Variants in ATP10B observed in about 807,000 individuals in gnomAD.
The protein encoded by ATP10B is ATPase phospholipid transporting 10B (putative).
ATP10B carries 122 observed loss-of-function variants against 141.2 expected under a neutral mutation model. That is an observed-to-expected ratio of 0.86 (90% confidence interval 0.75 to 1.00). ATP10B has a LOEUF of 1.00. Ranked by LOEUF, ATP10B falls within the 50% of genes least tolerant of loss-of-function variation. The probability of loss-of-function intolerance (pLI) is 0.00; values close to 1 mark genes in which losing one functional copy is unlikely to be tolerated. For missense variants in ATP10B, 1,876 were observed against 1,825.3 expected (o/e 1.03, Z -0.51); for synonymous variants, 685 against 692.0 (o/e 0.99, Z 0.16).
intron 7 of ATP10B, among the ~76,000 whole-genome samples, chr5:160,653,793 A>G (rs1212489081): frequency 1.7e-5 from 2 of 117,298 alleles, no homozygotes; most frequent in Non-Finnish European, 3.3e-5. Flanking sequence ...TATATATTAT[A>G]TAGACGTATA....
At chr5:160,920,847 C>G in the ATP10B span, among the ~76,000 whole-genome samples, 3 of 152,158 alleles carry the variant, frequency 2.0e-5, no homozygotes, top group Non-Finnish European at 4.4e-5. Context: ...GACGTCAATG[C>G]TGGTCAGGGG....
At chr5:160,743,790 G>A (rs1250002585) in intron 2 of ATP10B, among the ~76,000 whole-genome samples, 1 of 152,102 alleles carries the variant, frequency 6.6e-6, no homozygotes, top group Non-Finnish European at 1.5e-5. Flanking sequence ...TCTCAGCTGG[G>A]ATTTATTTTG....
intron 6 of ATP10B, among the ~76,000 whole-genome samples, chr5:160,681,279 G>A (rs775138419): frequency 3.3e-5 from 5 of 152,194 alleles, no homozygotes; most frequent in Admixed American, 1.3e-4. Context: ...TATGGGTTCT[G>A]TTCTTCCTCA....
At chr5:160,603,096 G>T (rs898934391) in intron 20 of ATP10B, 9 of 173,950 alleles carry the variant, frequency 5.2e-5, no homozygotes, top group East Asian at 3.0e-4. Flanking sequence ...CAGGCCATTG[G>T]CTCCATTCAC....
chr5:160,763,627 A>G (rs1249128299), intron 2 of ATP10B, among the ~76,000 whole-genome samples: 1 of 152,188 alleles, frequency 6.6e-6, no homozygotes, highest in African/African-American at 2.4e-5. Context: ...GCATAAATAG[A>G]TAATCTAGGG....
At chr5:160,883,229 C>T in the ATP10B span, among the ~76,000 whole-genome samples, 2 of 152,268 alleles carry the variant, frequency 1.3e-5, no homozygotes, top group Admixed American at 1.3e-4. Context: ...CATTTTTGAA[C>T]ATGCAAGAAT....
intron 3 of ATP10B, among the ~76,000 whole-genome samples, chr5:160,697,363 G>A (rs1764428864): frequency 6.6e-6 from 1 of 152,150 alleles, no homozygotes; most frequent in Non-Finnish European, 1.5e-5. Context: ...AAGACTTGGG[G>A]AAGGCCGAAC....
chr5:160,609,525 T>C (rs1037323912), intron 18 of ATP10B, among the ~76,000 whole-genome samples: 1 of 152,042 alleles, frequency 6.6e-6, no homozygotes, highest in African/African-American at 2.4e-5. Flanking sequence ...ATTACCAGCA[T>C]GCGCCACCAC....
chr5:160,873,776 C>T, the ATP10B span, among the ~76,000 whole-genome samples: 51 of 152,320 alleles, frequency 3.3e-4, no homozygotes, highest in Middle Eastern at 3.4e-3. Flanking sequence ...GGGTGACAGA[C>T]GGCACCAGGA....
At chr5:160,810,338 C>CTT (rs1474793553) in intron 1 of ATP10B, among the ~76,000 whole-genome samples, 2 of 151,810 alleles carry the variant, frequency 1.3e-5, no homozygotes, top group African/African-American at 4.8e-5. Flanking sequence ...TTCTATTATC[C>CTT]TTTTTTGACC....
intron 1 of ATP10B, among the ~76,000 whole-genome samples, chr5:160,829,290 TTTCTG>T (rs969482301): frequency 6.6e-6 from 1 of 152,058 alleles, no homozygotes; most frequent in Non-Finnish European, 1.5e-5. Flanking sequence ...ATTTCTGGTT[TTTCTG>T]TTCTGTTTGA....
the ATP10B span, among the ~76,000 whole-genome samples, chr5:160,897,220 G>A: frequency 1.3e-4 from 20 of 152,272 alleles, no homozygotes; most frequent in African/African-American, 4.3e-4. Context: ...AAGAAATAAA[G>A]CATATTCAAA....
intron 8 of ATP10B, 53 bp from the exon 9 acceptor site, chr5:160,644,297 T>C: frequency 7.9e-7 from 1 of 1,258,998 alleles, no homozygotes; most frequent in Admixed American, 1.7e-5. Context: ...TTCCTTGCTG[T>C]CACTGGGTAC....
At position 160,649,227 on chromosome 5, in the gene ATP10B, G is replaced by C. The variant is rs200581063; in HGVS notation, c.705C>G (p.His235Gln). ...QEVQFEPELFHNTIVCEKPNN... is the reference protein window; with the variant it reads ...QEVQFEPELFQNTIVCEKPNN... ...TGGGTTTCTCACACACGATGGTATT[G>C]TGGAAAAGCTCTGGTTCGAACTGTA... Residue 235 changes from histidine (H) to glutamine (Q), a missense_variant, in exon 8 of 26, where the codon CAC becomes CAG. By Grantham distance (24) the His-to-Gln change is conservative. Transcript: ENST00000327245. 6.2e-6 allele frequency: 10 copies of C among 1,613,996 alleles called. No individual in the cohort carries two copies. Among genetic ancestry groups the C allele is most frequent in the Admixed American group, 1.7e-5 (1 of 60,018 alleles).
chr5:160,845,311 C>G (rs1415940044), intron 1 of ATP10B, among the ~76,000 whole-genome samples: 1 of 152,070 alleles, frequency 6.6e-6, no homozygotes, highest in Non-Finnish European at 1.5e-5. Flanking sequence ...AGCAAAAGAG[C>G]CAGACACCAA....
At chr5:160,844,061 G>A (rs188367065) in intron 1 of ATP10B, among the ~76,000 whole-genome samples, 4 of 151,858 alleles carry the variant, frequency 2.6e-5, no homozygotes, top group Non-Finnish European at 1.5e-5. Flanking sequence ...AAATATTAAG[G>A]GTTATTTTGA....
chr5:160,657,084 A>C (rs1761564979), intron 7 of ATP10B, among the ~76,000 whole-genome samples: 1 of 152,206 alleles, frequency 6.6e-6, no homozygotes, highest in African/African-American at 2.4e-5. Flanking sequence ...GACTGTGCCA[A>C]GGAATAGGGG....
intron 2 of ATP10B, among the ~76,000 whole-genome samples, chr5:160,740,584 C>T (rs188544534): frequency 1.3e-5 from 2 of 152,250 alleles, no homozygotes; most frequent in South Asian, 2.1e-4. Context: ...GTTCACATCT[C>T]GTCTTTTATT....
intron 20 of ATP10B, chr5:160,602,996 C>T (rs184298712): frequency 5.0e-4 from 131 of 262,086 alleles, no homozygotes; most frequent in African/African-American, 2.5e-3. Flanking sequence ...TGTCAGGCAC[C>T]GTGCTAGGGA....
Sources: gnomAD v4.1 joint callset for allele counts (sites outside exome capture counted in the v4.1 genomes callset) on GRCh38, gnomAD v4.1.1 for gene constraint, MANE v1.5 for transcripts, NCBI Gene and HGNC (gene_info 2026-07-23, HGNC 2026-07-21) for gene names.